KCNT1: variants seen among roughly 807,000 people sequenced by gnomAD.
KCNT1 encodes potassium sodium-activated channel subfamily T member 1, also known as potassium channel subfamily T member 1.
Under a neutral mutation model 147.8 loss-of-function variants are expected in KCNT1, and 78 were observed. The observed-to-expected ratio is 0.53, with a 90% CI of 0.44 to 0.64. The LOEUF (loss-of-function observed/expected upper bound fraction) is 0.64, where lower values mean the gene tolerates loss of function less well. Ranked by LOEUF, KCNT1 falls within the 30% of genes least tolerant of loss-of-function variation. The probability of loss-of-function intolerance (pLI) is 0.00; values close to 1 mark genes in which losing one functional copy is unlikely to be tolerated. For synonymous variants in KCNT1, 867 were observed against 748.8 expected (o/e 1.16, Z -2.58); for missense variants, 1,419 against 1,750.3 (o/e 0.81, Z 3.38).
intron 28 of KCNT1, 41 bp downstream of exon 28, chr9:135,785,371 C>T (rs1458472631): frequency 1.9e-6 from 3 of 1,612,210 alleles, no homozygotes; most frequent in Non-Finnish European, 2.5e-6. Context: ...CTGCGGAGCA[C>T]CAGAACATCG....
chr9:135,712,008 C>T (rs13301711), intron 1 of KCNT1, among the ~76,000 whole-genome samples: 31,889 of 152,190 alleles, frequency 0.21, 4,140 homozygotes, highest in Non-Finnish European at 0.26. Context: ...AGTGACTCGC[C>T]GGGGGCCGCC....
In KCNT1 at chr9:135,730,108, C is replaced by A. The variant is rs1355941442; in HGVS notation, c.254+15388C>A. Among the ~76,000 whole-genome samples the A allele has an allele frequency of 6.6e-6, 1 of 152,194 alleles. No homozygotes were observed. The highest frequency in any genetic ancestry group is 2.4e-5 in the African/African-American group (1 of 41,444). ...TCCTTCATCCATGGGAGCTGTGCAC[C>A]CCCAAATATAATTCCTGCTGGAAAC... On this transcript the variant is annotated intron_variant, in intron 2 of 30. Coordinates refer to ENST00000371757, the MANE Select transcript of KCNT1 (RefSeq NM_020822.3). This position sits in a 1 kb window ranked among gnomAD's most constrained non-coding sequence, Gnocchi z 4.7.
chr9:135,786,177 C>A lies in KCNT1; in HGVS notation c.3178-20C>A. Reference sequence around the variant, plus strand: ...GGCAGCCTCACCCCTCCCCGCCCTGCCCTGCCCTGCCCTGCCCAGTCCCAG... The same window carrying A: ...GGCAGCCTCACCCCTCCCCGCCCTGACCTGCCCTGCCCTGCCCAGTCCCAG... On this transcript the variant is annotated intron_variant, in intron 28 of 30. Coordinates refer to ENST00000371757, the MANE Select transcript of KCNT1 (RefSeq NM_020822.3). 1 of 1,577,586 alleles carries A rather than the reference C, an allele frequency of 6.3e-7. No homozygotes were observed. Among genetic ancestry groups the A allele is most frequent in the Non-Finnish European group, 8.6e-7 (1 of 1,156,530 alleles).
chr9:135,727,037 T>C (rs1157907123), intron 2 of KCNT1, among the ~76,000 whole-genome samples: 1 of 10,416 alleles, frequency 9.6e-5, no homozygotes, highest in Non-Finnish European at 1.7e-4. Context: ...CTCTTTCCCA[T>C]TCTCTCTCTC....
At chr9:135,782,886 A>G (rs1366035268) in intron 24 of KCNT1, among the ~76,000 whole-genome samples, 1 of 152,224 alleles carries the variant, frequency 6.6e-6, no homozygotes, top group African/African-American at 2.4e-5. Flanking sequence ...GCCGCACGAA[A>G]CTAATTCCAC....
intron 2 of KCNT1, among the ~76,000 whole-genome samples, chr9:135,729,461 C>T (rs2131357948): frequency 6.6e-6 from 1 of 152,360 alleles, no homozygotes; most frequent in Admixed American, 6.5e-5. Context: ...AGATGCGGGC[C>T]CAGCCCTGCG....
intron 1 of KCNT1, among the ~76,000 whole-genome samples, chr9:135,713,246 A>T (rs1324375254): frequency 2.0e-5 from 3 of 152,256 alleles, no homozygotes; most frequent in Non-Finnish European, 2.9e-5. Context: ...GCACCTCCCC[A>T]TGGCCCAGCC....
chr9:135,770,502 C>G, intron 17 of KCNT1, 55 bp downstream of exon 17: 1 of 1,542,566 alleles, frequency 6.5e-7, no homozygotes, highest in Non-Finnish European at 8.8e-7. Context: ...CTGCTCTGTG[C>G]CCTCCCCACC....
At chr9:135,731,983 T>G (rs1279032274) in intron 2 of KCNT1, among the ~76,000 whole-genome samples, 281 of 24,782 alleles carry the variant, frequency 0.011, 7 homozygotes, top group African/African-American at 0.019. Context: ...TATATATATA[T>G]ATATATATAG....
chr9:135,760,315 G>A (rs971494140), intron 11 of KCNT1, among the ~76,000 whole-genome samples: 8 of 152,316 alleles, frequency 5.3e-5, no homozygotes, highest in Admixed American at 2.0e-4. Flanking sequence ...AGGAGGGGAC[G>A]GGGCAAGACC....
Position 135,764,959 on chromosome 9 carries a change from GC to G in KCNT1, c.1036-69del, listed in dbSNP as rs754027106. The G allele has an allele frequency of 6.8e-4, 1,032 of 1,510,868 alleles. 1 individual carries two copies. The highest frequency in any genetic ancestry group is 8.9e-4 in the Non-Finnish European group (993 of 1,116,014). 93.6% of individuals were successfully genotyped at this position (1,510,868 alleles called of 1,614,324 possible). ...CCCTAACAGACAGTCGTGTGTCAGGGCCCAGGTTCTTCACCGGGAGCCCTCG... is the reference window on the plus strand; with the variant it reads ...CCCTAACAGACAGTCGTGTGTCAGGGCCAGGTTCTTCACCGGGAGCCCTCG... On this transcript the variant is annotated intron_variant, in intron 11 of 30. Coordinates refer to ENST00000371757, the MANE Select transcript of KCNT1 (RefSeq NM_020822.3).
intron 11 of KCNT1, among the ~76,000 whole-genome samples, chr9:135,763,555 G>C (rs1470878272): frequency 6.6e-6 from 1 of 152,230 alleles, no homozygotes; most frequent in East Asian, 1.9e-4. Flanking sequence ...GGCCGCTTTG[G>C]GGGAGATTGT....
chr9:135,751,056 C>T lies in KCNT1; in HGVS notation c.434+15C>T, dbSNP rs778629667. On this transcript the variant is annotated intron_variant, in intron 4 of 30. Coordinates refer to ENST00000371757, the MANE Select transcript of KCNT1 (RefSeq NM_020822.3). Reference sequence around the variant, plus strand: ...GGCATCGGATGGTGGGCCACGTGCGCGGCCGGGCGCGGGGTCCCGGGTCCC... The same window carrying T: ...GGCATCGGATGGTGGGCCACGTGCGTGGCCGGGCGCGGGGTCCCGGGTCCC... The T allele has an allele frequency of 7.5e-6, 12 of 1,603,196 alleles. No homozygotes were observed. The highest frequency in any genetic ancestry group is 2.2e-5 in the East Asian group (1 of 44,838).
chr9:135,750,038 G>A (rs544408039), intron 2 of KCNT1, 60 bp from the exon 3 acceptor site: 270 of 1,394,808 alleles, frequency 1.9e-4, no homozygotes, highest in Admixed American at 7.8e-4. Context: ...GGCTCCCGGC[G>A]TGTCCCCAGC....
At chr9:135,710,303 A>G (rs1170212341) in intron 1 of KCNT1, among the ~76,000 whole-genome samples, 1 of 152,190 alleles carries the variant, frequency 6.6e-6, no homozygotes, top group Non-Finnish European at 1.5e-5. Flanking sequence ...ATCCAACAGA[A>G]GACACTGCAT....
chr9:135,714,232 T>A lies in KCNT1; in HGVS notation c.111-345T>A, dbSNP rs1835623311. On this transcript the variant is annotated intron_variant, in intron 1 of 30. Coordinates refer to ENST00000371757, the MANE Select transcript of KCNT1 (RefSeq NM_020822.3). This position sits in a 1 kb window ranked among gnomAD's most constrained non-coding sequence, Gnocchi z 6.2. ...CTTCAGAGCAGGGGGAGGGCCTCCA[T>A]CCTGGCTCTTGGGGGATCAGGGAGG... Among the ~76,000 whole-genome samples the A allele has an allele frequency of 6.6e-6, 1 of 151,542 alleles. No individual in the cohort carries two copies. The highest frequency in any genetic ancestry group is 1.5e-5 in the Non-Finnish European group (1 of 67,768).
Position 135,785,982 on chromosome 9 carries a change from C to G in KCNT1, c.3178-215C>G, listed in dbSNP as rs923951307. 4 of 578,186 alleles carry G rather than the reference C, an allele frequency of 6.9e-6. No homozygotes were observed. In the African/African-American group the frequency reaches 7.7e-5, roughly 11 times the overall value. 35.8% of individuals were successfully genotyped at this position (578,186 alleles called of 1,614,324 possible). On this transcript the variant is annotated intron_variant, in intron 28 of 30. Transcript: ENST00000371757. The stretch of plus-strand genomic sequence containing the variant: ...CGGGCAGGGTGGGTGGCCCGGCGAT[C>G]TGTGCTCAGGAGGAAACCAGGCACA...
At chr9:135,788,435 C>T (rs1336669306) in intron 29 of KCNT1, among the ~76,000 whole-genome samples, 1 of 152,272 alleles carries the variant, frequency 6.6e-6, no homozygotes, top group Non-Finnish European at 1.5e-5. Context: ...GACTGCCCAG[C>T]TCTCGGGCTC....
chr9:135,761,975 G>A (rs931392526), intron 11 of KCNT1, among the ~76,000 whole-genome samples: 30 of 152,340 alleles, frequency 2.0e-4, no homozygotes, highest in African/African-American at 6.3e-4. Flanking sequence ...GGAGCGAAGC[G>A]CTCTCTCCCG....
Sources: gnomAD v4.1 joint callset for allele counts (sites outside exome capture counted in the v4.1 genomes callset) on GRCh38, gnomAD v4.1.1 for gene constraint, Gnocchi (gnomAD v3.1) non-coding constraint, MANE v1.5 for transcripts, NCBI Gene and HGNC (gene_info 2026-07-23, HGNC 2026-07-21) for gene names.